FOXJ3: variants seen among roughly 807,000 people sequenced by gnomAD.
FOXJ3 encodes the protein forkhead box J3.
A neutral mutation model predicts 76.1 loss-of-function variants in FOXJ3; 22 were observed. The observed-to-expected ratio is 0.29, with a 90% CI of 0.21 to 0.41. The LOEUF (loss-of-function observed/expected upper bound fraction) is 0.41, where lower values mean the gene tolerates loss of function less well. FOXJ3 is among the 10% of genes least tolerant of loss of function. The pLI is 1.00. For missense variants in FOXJ3, 613 were observed against 762.1 expected (o/e 0.80, Z 2.30); for synonymous variants, 269 against 261.2 (o/e 1.03, Z -0.29).
At chr1:42,306,298 CTTTTT>C (rs9326121) in intron 2 of FOXJ3, among the ~76,000 whole-genome samples, 16 of 81,686 alleles carry the variant, frequency 2.0e-4, no homozygotes, top group African/African-American at 6.7e-4. Context: ...GAACTTTTTT[CTTTTT>C]TTTTTTTTTT....
chr1:42,291,256 T>C (rs962133987), intron 2 of FOXJ3, among the ~76,000 whole-genome samples: 1 of 152,052 alleles, frequency 6.6e-6, no homozygotes, highest in Non-Finnish European at 1.5e-5. Flanking sequence ...ATCTGAAAAA[T>C]GAACAACAAA....
At chr1:42,229,399 T>A (rs1040519143) in intron 4 of FOXJ3, among the ~76,000 whole-genome samples, 3 of 152,186 alleles carry the variant, frequency 2.0e-5, no homozygotes, top group African/African-American at 7.2e-5. Flanking sequence ...TCAATTAACA[T>A]CTGTCGAAAT....
intron 11 of FOXJ3, 74 bp downstream of exon 11, chr1:42,188,663 G>A: frequency 1.0e-6 from 1 of 967,466 alleles, no homozygotes; most frequent in Non-Finnish European, 1.5e-6. Context: ...AGCAAACCAA[G>A]TTGGTTAAGA....
chr1:42,269,554 A>G (rs967664933), intron 3 of FOXJ3, among the ~76,000 whole-genome samples: 2 of 152,138 alleles, frequency 1.3e-5, no homozygotes, highest in African/African-American at 4.8e-5. Context: ...TCCAGCACAG[A>G]CCTTTCTCCT....
intron 1 of FOXJ3, among the ~76,000 whole-genome samples, chr1:42,324,385 T>TATAAATACTATATATACTATATATAAC (rs1557726806): frequency 6.8e-6 from 1 of 147,176 alleles, no homozygotes; most frequent in African/African-American, 2.5e-5. Context: ...ATATATAACA[T>TATAAATACTATATATACTATATATAAC]ATAAATACTA....
intron 4 of FOXJ3, among the ~76,000 whole-genome samples, chr1:42,237,963 T>C (rs959801234): frequency 4.6e-5 from 7 of 151,948 alleles, no homozygotes; most frequent in African/African-American, 1.4e-4. Flanking sequence ...CACACACATA[T>C]ATATATGACA....
chr1:42,194,681 G>A (rs1323671444), intron 8 of FOXJ3, among the ~76,000 whole-genome samples: 3 of 152,148 alleles, frequency 2.0e-5, no homozygotes, highest in Non-Finnish European at 4.4e-5. Context: ...AAACAAGTAA[G>A]TAGGCATGCA....
At chr1:42,304,877 C>G (rs565681938) in intron 2 of FOXJ3, among the ~76,000 whole-genome samples, 84 of 152,046 alleles carry the variant, frequency 5.5e-4, no homozygotes, top group African/African-American at 2.0e-3. Context: ...GCAACCAAAG[C>G]GAAAATAGAC....
At chr1:42,300,025 AT>A (rs1252668537) in intron 2 of FOXJ3, among the ~76,000 whole-genome samples, 1 of 150,856 alleles carries the variant, frequency 6.6e-6, no homozygotes, top group African/African-American at 2.4e-5. Context: ...ATATGGTGAA[AT>A]TCTGTCTCTA....
At chr1:42,222,842 GAT>G (rs1406023151) in intron 5 of FOXJ3, among the ~76,000 whole-genome samples, 2 of 152,066 alleles carry the variant, frequency 1.3e-5, no homozygotes, top group Non-Finnish European at 2.9e-5. Context: ...ACCTTTTAAT[GAT>G]AGACACTTAA....
At chr1:42,333,858 G>T (rs1038714168) in intron 1 of FOXJ3, among the ~76,000 whole-genome samples, 1 of 152,320 alleles carries the variant, frequency 6.6e-6, no homozygotes, top group East Asian at 1.9e-4. Context: ...GTGCTGCCTT[G>T]TGAGAAAAAG....
upstream of FOXJ3, chr1:42,335,321 G>C (rs1356366495): frequency 1.3e-5 from 2 of 152,160 alleles, no homozygotes; most frequent in Non-Finnish European, 2.9e-5. Flanking sequence ...GCGGCGTCAA[G>C]TCCCTGCGCG....
chr1:42,312,075 G>A (rs1168896618), intron 1 of FOXJ3, among the ~76,000 whole-genome samples: 1 of 152,160 alleles, frequency 6.6e-6, no homozygotes, highest in East Asian at 1.9e-4. Context: ...ACTGAAGAGA[G>A]CAAGTTCAGT....
chr1:42,231,849 C>T (rs138511892), intron 4 of FOXJ3, among the ~76,000 whole-genome samples: 63 of 152,222 alleles, frequency 4.1e-4, no homozygotes, highest in African/African-American at 1.2e-3. Context: ...ATGTGCACAA[C>T]GTGCATGTTA....
chr1:42,194,093 T>A (rs1569812419), intron 8 of FOXJ3, among the ~76,000 whole-genome samples: 1 of 152,194 alleles, frequency 6.6e-6, no homozygotes, highest in East Asian at 1.9e-4. Flanking sequence ...TGTTTATAAA[T>A]TACCCATTCT....
chr1:42,323,345 A>AT (rs1655545244), intron 1 of FOXJ3, among the ~76,000 whole-genome samples: 2 of 152,194 alleles, frequency 1.3e-5, no homozygotes. Flanking sequence ...CCATTCATTC[A>AT]TTCATTCAAC....
rs1010097766 is a variant in FOXJ3 at position 42,204,365 on chromosome 1, C to T, written c.630+1397G>A. Among the ~76,000 whole-genome samples the T allele has an allele frequency of 2.9e-4, 44 of 152,094 alleles. 1 individual carries two copies. The highest frequency in any genetic ancestry group is 8.9e-4 in the African/African-American group (37 of 41,478). ...ATAGGCAGAAAGGTTAATCTAATAC[C>T]AGTATTCTGTCATATCTGGATGCAG... On this transcript the variant is annotated intron_variant, in intron 6 of 12. Coordinates refer to ENST00000361346, the MANE Select transcript of FOXJ3 (RefSeq NM_014947.5).
At chr1:42,216,474 C>T (rs1404384014) in intron 5 of FOXJ3, among the ~76,000 whole-genome samples, 1 of 150,908 alleles carries the variant, frequency 6.6e-6, no homozygotes, top group African/African-American at 2.4e-5. Context: ...GCCGAGATCG[C>T]GCCACTGCAC....
At chr1:42,190,893 A>T (rs943328223) in intron 9 of FOXJ3, among the ~76,000 whole-genome samples, 15 of 152,344 alleles carry the variant, frequency 9.8e-5, no homozygotes, top group Middle Eastern at 6.8e-3. Flanking sequence ...CTGGTGTTAT[A>T]AGCTTTGAAG....
Sources: allele counts gnomAD v4.1 joint callset (sites outside exome capture counted in the v4.1 genomes callset), GRCh38; gene constraint gnomAD v4.1.1; transcripts MANE v1.5; gene names NCBI Gene and HGNC (gene_info 2026-07-23, HGNC 2026-07-21).